FBXL17: variants seen among roughly 807,000 people sequenced by gnomAD.
FBXL17 encodes the protein F-box/LRR-repeat protein 17.
FBXL17 carries 22 observed loss-of-function variants against 66.2 expected under a neutral mutation model. The observed-to-expected ratio is 0.33, with a 90% CI of 0.24 to 0.47. The LOEUF is 0.47. FBXL17 is among the 20% of genes least tolerant of loss of function. FBXL17 has a pLI of 1.00. For synonymous variants in FBXL17, 474 were observed against 400.5 expected, an observed-to-expected ratio of 1.18 and a Z score of -2.19; for missense variants, 878 against 948.2, an observed-to-expected ratio of 0.93 and a Z score of 0.97.
intron 6 of FBXL17, among the ~76,000 whole-genome samples, chr5:108,098,005 T>A (rs1749446758): frequency 6.6e-6 from 1 of 152,286 alleles, no homozygotes; most frequent in Middle Eastern, 3.4e-3. Flanking sequence ...AGAAAGCTTG[T>A]CTATTATTCA....
intron 6 of FBXL17, among the ~76,000 whole-genome samples, chr5:108,172,366 AG>A (rs1752637941): frequency 6.6e-6 from 1 of 152,340 alleles, no homozygotes; most frequent in African/African-American, 2.4e-5. Context: ...CACAGATATA[AG>A]AGGATAGAAG....
intron 6 of FBXL17, among the ~76,000 whole-genome samples, chr5:108,109,600 G>GT (rs369476326): frequency 6.6e-6 from 1 of 151,864 alleles, no homozygotes. Flanking sequence ...ACATTTGTAT[G>GT]TTTTTTTTCT....
chr5:108,109,903 A>G (rs1012730875), intron 6 of FBXL17, among the ~76,000 whole-genome samples: 5 of 152,326 alleles, frequency 3.3e-5, no homozygotes, highest in African/African-American at 1.2e-4. Context: ...AGGTGGGGTC[A>G]TGGGGTTGAG....
chr5:107,941,787 G>A (rs998922304), intron 7 of FBXL17, among the ~76,000 whole-genome samples: 3 of 152,092 alleles, frequency 2.0e-5, no homozygotes, highest in African/African-American at 7.2e-5. Context: ...AATTCAATTC[G>A]AACCTAATTC....
intron 7 of FBXL17, among the ~76,000 whole-genome samples, chr5:107,914,120 C>T (rs934576286): frequency 6.6e-6 from 1 of 152,028 alleles, no homozygotes; most frequent in Non-Finnish European, 1.5e-5. Flanking sequence ...GAAATGATTC[C>T]TATCAAATTT....
intron 7 of FBXL17, among the ~76,000 whole-genome samples, chr5:107,905,885 T>C (rs1749738715): frequency 6.6e-6 from 1 of 152,318 alleles, no homozygotes; most frequent in Admixed American, 6.5e-5. Flanking sequence ...CTGTGGTAAT[T>C]TGTGTGTCTA....
At chr5:108,273,688 A>G (rs913251015) in intron 4 of FBXL17, among the ~76,000 whole-genome samples, 2 of 152,118 alleles carry the variant, frequency 1.3e-5, no homozygotes, top group African/African-American at 2.4e-5. Flanking sequence ...CAAGCCTAAG[A>G]GCATCAGAGA....
At chr5:108,369,549 T>A (rs1032200852) in intron 1 of FBXL17, among the ~76,000 whole-genome samples, 21 of 152,112 alleles carry the variant, frequency 1.4e-4, no homozygotes, top group African/African-American at 5.1e-4. Flanking sequence ...TGTACTATCA[T>A]TGCAATTTTT....
At chr5:108,050,663 C>G (rs770959972) in intron 6 of FBXL17, among the ~76,000 whole-genome samples, 13 of 151,984 alleles carry the variant, frequency 8.6e-5, no homozygotes, top group Non-Finnish European at 1.5e-4. Flanking sequence ...CAAGGGCAAA[C>G]CAATCCCAAA....
intron 7 of FBXL17, 90 bp downstream of exon 7, chr5:108,020,835 G>A: frequency 1.1e-6 from 1 of 908,436 alleles, no homozygotes; most frequent in South Asian, 1.4e-5. Context: ...CAGTCTCTAT[G>A]ATATAGTTCT....
chr5:108,179,027 T>C (rs992194748), intron 6 of FBXL17, among the ~76,000 whole-genome samples: 43 of 152,294 alleles, frequency 2.8e-4, no homozygotes, highest in African/African-American at 7.9e-4. Context: ...TGAAATGAAA[T>C]AAAATTCTAA....
At chr5:107,924,830 T>G (rs1750449538) in intron 7 of FBXL17, among the ~76,000 whole-genome samples, 1 of 152,216 alleles carries the variant, frequency 6.6e-6, no homozygotes, top group Non-Finnish European at 1.5e-5. Flanking sequence ...AAATTTCTTG[T>G]GCCTAATAAC....
intron 6 of FBXL17, among the ~76,000 whole-genome samples, chr5:108,063,498 G>A (rs899806787): frequency 5.3e-5 from 8 of 152,108 alleles, no homozygotes; most frequent in African/African-American, 1.9e-4. Flanking sequence ...ATCTCTCTCT[G>A]CTGCAGCTCT....
intron 5 of FBXL17, among the ~76,000 whole-genome samples, chr5:108,191,357 AT>A (rs1305729715): frequency 6.6e-6 from 1 of 152,228 alleles, no homozygotes; most frequent in African/African-American, 2.4e-5. Context: ...AACAGTTTAA[AT>A]GTACTTAATG....
At chr5:108,323,675 AC>A (rs555071827) in intron 4 of FBXL17, among the ~76,000 whole-genome samples, 152 of 152,216 alleles carry the variant, frequency 1.0e-3, no homozygotes, top group Non-Finnish European at 1.7e-3. Context: ...TGGGAGTCCC[AC>A]ACTTCCTGAT....
chr5:108,250,218 T>C (rs1251674237), intron 4 of FBXL17, among the ~76,000 whole-genome samples: 1 of 152,146 alleles, frequency 6.6e-6, no homozygotes, highest in Non-Finnish European at 1.5e-5. Context: ...TAATTTTTCA[T>C]GTGAATGGGG....
chr5:108,357,857 A>C (rs1257005112), intron 3 of FBXL17, among the ~76,000 whole-genome samples: 1 of 145,110 alleles, frequency 6.9e-6, no homozygotes, highest in Non-Finnish European at 1.5e-5. Flanking sequence ...AAATTTGAAC[A>C]TATTTTGAAC....
intron 4 of FBXL17, among the ~76,000 whole-genome samples, chr5:108,318,537 G>T (rs1759475588): frequency 6.6e-6 from 1 of 151,664 alleles, no homozygotes; most frequent in Admixed American, 6.6e-5. Context: ...AGTTTTAAAG[G>T]CTAATAGCAT....
chr5:107,973,432 T>G (rs1269089253), intron 7 of FBXL17, among the ~76,000 whole-genome samples: 2 of 150,864 alleles, frequency 1.3e-5, no homozygotes, highest in African/African-American at 2.4e-5. Flanking sequence ...AAGACAATTC[T>G]TCTTCTTCCA....
Sources: gnomAD v4.1 joint callset for allele counts (sites outside exome capture counted in the v4.1 genomes callset) on GRCh38, gnomAD v4.1.1 for gene constraint, MANE v1.5 for transcripts, NCBI Gene and HGNC (gene_info 2026-07-23, HGNC 2026-07-21) for gene names.